The following OTOGL variants were observed in gnomAD, a reference collection of about 807,000 sequenced individuals.
OTOGL encodes otogelin like, also known as otogelin-like protein.
OTOGL carries 285 observed loss-of-function variants against 318.5 expected under a neutral mutation model. The ratio of observed to expected loss-of-function variants is 0.89; its 90% CI spans 0.81 to 0.99. The LOEUF (loss-of-function observed/expected upper bound fraction) is 0.99. Among genes scored for constraint, OTOGL ranks in the 50% least tolerant of loss-of-function variants. OTOGL has a pLI of 0.00. For synonymous variants in OTOGL, 987 were observed against 936.5 expected (o/e 1.05, Z -0.99); for missense variants, 2,899 against 2,845.6 (o/e 1.02, Z -0.43).
rs759788714 is a variant in OTOGL, at chr12:80,262,112, C to T, written c.2014+19C>T. On this transcript the variant is annotated intron_variant, in intron 19 of 58. Transcript: ENST00000547103. ...CAAAACAGTAAGTTTTGCATGTAAA[C>T]TTCCTTTCTGCTGTAAACTTAGGGA... 3.1e-6 allele frequency: 5 copies of T among 1,597,162 alleles called. No individual in the cohort carries two copies. The highest frequency in any genetic ancestry group is 4.3e-6 in the Non-Finnish European group (5 of 1,170,462).
intron 28 of OTOGL, among the ~76,000 whole-genome samples, chr12:80,303,146 A>G (rs535815019): frequency 2.4e-4 from 37 of 152,174 alleles, no homozygotes; most frequent in Non-Finnish European, 4.9e-4. Context: ...GTTTACATGC[A>G]GTAAAATTAT....
At chr12:80,231,845 G>A (rs561972787) in intron 8 of OTOGL, among the ~76,000 whole-genome samples, 7 of 150,350 alleles carry the variant, frequency 4.7e-5, no homozygotes, top group Admixed American at 6.6e-5. Context: ...CACTGTGTTG[G>A]CCAGTCTGGT....
chr12:80,108,835 T>G (rs1192167950), intron 1 of OTOGL, among the ~76,000 whole-genome samples: 1 of 92,808 alleles, frequency 1.1e-5, no homozygotes, highest in African/African-American at 5.0e-5. Context: ...GTATATATAT[T>G]GTATATATAT....
At chr12:80,321,170 A>T (rs1317182113) in intron 34 of OTOGL, among the ~76,000 whole-genome samples, 1 of 152,064 alleles carries the variant, frequency 6.6e-6, no homozygotes, top group Non-Finnish European at 1.5e-5. Flanking sequence ...CCTCTAGAAG[A>T]TTTCTCTAGT....
At chr12:80,254,475 A>T (rs1353889179) in intron 14 of OTOGL, 49 bp from the exon 15 acceptor site, 1 of 1,476,914 alleles carries the variant, frequency 6.8e-7, no homozygotes, top group Admixed American at 1.7e-5. Context: ...GCAAACATTA[A>T]TACAGTTTCT....
chr12:80,145,932 T>G (rs1326861356), intron 1 of OTOGL, among the ~76,000 whole-genome samples: 1 of 139,544 alleles, frequency 7.2e-6, no homozygotes, highest in East Asian at 2.0e-4. Context: ...TTGCTGAAAT[T>G]GCTTATCAGC....
intron 1 of OTOGL, among the ~76,000 whole-genome samples, chr12:80,143,156 G>A (rs1487450877): frequency 1.3e-5 from 2 of 151,992 alleles, no homozygotes; most frequent in Admixed American, 6.6e-5. Flanking sequence ...CATATGTAAT[G>A]GAAATATACA....
rs1242268367 is a variant in OTOGL at position 80,223,405 on chromosome 12, T to C, written c.489+1160T>C. 3.3e-5 allele frequency among the ~76,000 whole-genome samples: 5 copies of C among 151,996 alleles called. No homozygotes were observed. The East Asian group carries it at 9.6e-4, about 29-fold the overall frequency. Reference sequence around the variant, plus strand: ...CTATAAACATGTGTATGCAGGTATCTTTTTTTGTATAATGACTTCTTTTCT... The same window carrying C: ...CTATAAACATGTGTATGCAGGTATCCTTTTTTGTATAATGACTTCTTTTCT... On this transcript the variant is annotated intron_variant, in intron 7 of 58. Coordinates refer to ENST00000547103, the MANE Select transcript of OTOGL (RefSeq NM_001378609.3).
At chr12:80,304,598 G>A (rs1478613916) in intron 28 of OTOGL, among the ~76,000 whole-genome samples, 2 of 152,146 alleles carry the variant, frequency 1.3e-5, no homozygotes, top group Non-Finnish European at 2.9e-5. Context: ...TCAGTCTTAA[G>A]GAGGATAAAG....
intron 28 of OTOGL, among the ~76,000 whole-genome samples, chr12:80,305,262 C>CAT (rs1179761190): frequency 2.6e-5 from 4 of 152,220 alleles, no homozygotes; most frequent in African/African-American, 9.6e-5. Context: ...CATACACTCT[C>CAT]ATATGTACTG....
intron 44 of OTOGL, among the ~76,000 whole-genome samples, chr12:80,346,393 A>G (rs978999253): frequency 3.3e-5 from 5 of 151,078 alleles, no homozygotes; most frequent in African/African-American, 7.3e-5. Context: ...GTTAAGAACT[A>G]AAAAAAAAGG....
Position 80,329,120 on chromosome 12 carries a change from G to T in OTOGL, c.4348+1G>T. ...AAGCCAACTGTGCCCATGTTTACAG[G>T]TATTGTTATAATTTTAGACAACAAA... On this transcript the variant is annotated splice_donor_variant, in intron 37 of 58. Coordinates refer to ENST00000547103, the MANE Select transcript of OTOGL (RefSeq NM_001378609.3). LOFTEE classifies it high-confidence loss of function. 1 of 1,516,454 alleles carries T rather than the reference G, an allele frequency of 6.6e-7. No individual in the cohort carries two copies. Among genetic ancestry groups the T allele is most frequent in the African/African-American group, 1.4e-5 (1 of 70,580 alleles). The allele number at this position is 1,516,454 out of a possible 1,614,324, so 93.9% of individuals were successfully genotyped here. A position where few individuals can be genotyped will look rare whatever the true frequency, so the allele number is the denominator to read the frequency against.
intron 1 of OTOGL, chr12:80,103,483 A>G (rs1300871452): frequency 1.7e-6 from 1 of 585,186 alleles, no homozygotes; most frequent in Non-Finnish European, 3.0e-6. Flanking sequence ...ATTCTTCAAC[A>G]GTCAGCTCAA....
intron 1 of OTOGL, among the ~76,000 whole-genome samples, chr12:80,202,180 T>G (rs571917052): frequency 2.0e-5 from 3 of 152,184 alleles, no homozygotes; most frequent in African/African-American, 7.2e-5. Flanking sequence ...TTGGTGGTAT[T>G]GAGATCACTT....
At chr12:80,364,175 C>T (rs775341154) in intron 52 of OTOGL, among the ~76,000 whole-genome samples, 21 of 152,216 alleles carry the variant, frequency 1.4e-4, no homozygotes, top group Non-Finnish European at 2.4e-4. Flanking sequence ...GAACATCTTA[C>T]CCAAATATAC....
chr12:80,110,321 C>A (rs1869761575), intron 1 of OTOGL, among the ~76,000 whole-genome samples: 1 of 152,132 alleles, frequency 6.6e-6, no homozygotes, highest in Admixed American at 6.5e-5. Flanking sequence ...CCTGCCTTGG[C>A]CTCCCAAAGT....
At chr12:80,132,992 T>C (rs1871331865) in intron 1 of OTOGL, among the ~76,000 whole-genome samples, 1 of 152,214 alleles carries the variant, frequency 6.6e-6, no homozygotes, top group Non-Finnish European at 1.5e-5. Context: ...GTTACTTTTG[T>C]TTAAAAAGTG....
At chr12:80,110,971 G>A (rs1465895806) in intron 1 of OTOGL, among the ~76,000 whole-genome samples, 1 of 152,134 alleles carries the variant, frequency 6.6e-6, no homozygotes, top group Non-Finnish European at 1.5e-5. Context: ...ATCTCATTGT[G>A]GTTTTAATTT....
chr12:80,193,526 T>G (rs1875842437), intron 1 of OTOGL, among the ~76,000 whole-genome samples: 1 of 152,002 alleles, frequency 6.6e-6, no homozygotes, highest in Non-Finnish European at 1.5e-5. Flanking sequence ...AAAGTAATAA[T>G]AATAATAATA....
Sources: allele counts gnomAD v4.1 joint callset (sites outside exome capture counted in the v4.1 genomes callset), GRCh38; gene constraint gnomAD v4.1.1; transcripts MANE v1.5; gene names NCBI Gene and HGNC (gene_info 2026-07-23, HGNC 2026-07-21).